The following MEGF10 variants were observed in gnomAD, a reference collection of about 807,000 sequenced individuals.
The protein encoded by MEGF10 is multiple epidermal growth factor-like domains protein 10.
MEGF10 carries 86 observed loss-of-function variants against 147.5 expected under a neutral mutation model. The ratio of observed to expected loss-of-function variants is 0.58; its 90% CI spans 0.49 to 0.70. MEGF10 has a LOEUF of 0.70. Among genes scored for constraint, MEGF10 ranks in the 30% least tolerant of loss-of-function variants. MEGF10 has a pLI of 0.00. For missense variants in MEGF10, 1,329 were observed against 1,487.3 expected (o/e 0.89, Z 1.75); for synonymous variants, 478 against 525.5 (o/e 0.91, Z 1.24).
In MEGF10 at chr5:127,443,303, TAAAG is replaced by T. The variant is rs889424920; in HGVS notation, c.2491+181_2491+184del. Among the ~76,000 whole-genome samples, 119 of 152,212 alleles carry T rather than the reference TAAAG, an allele frequency of 7.8e-4. 2 individuals are homozygous for T. Among genetic ancestry groups the T allele is most frequent in the Non-Finnish European group, 1.8e-4 (12 of 68,036 alleles). ...TGCCTTATTGTTGCTGTCCTGCAGATAAAGAAACAAAAGCTTAGAGAGGCTGAGT... is the reference window on the plus strand; with the variant it reads ...TGCCTTATTGTTGCTGTCCTGCAGATAAACAAAAGCTTAGAGAGGCTGAGT... On this transcript the variant is annotated intron_variant, in intron 19 of 24. Coordinates refer to ENST00000503335, the MANE Select transcript of MEGF10 (RefSeq NM_001256545.2).
intron 1 of MEGF10, among the ~76,000 whole-genome samples, chr5:127,327,942 C>T (rs1044207186): frequency 2.6e-5 from 4 of 152,042 alleles, no homozygotes; most frequent in African/African-American, 9.7e-5. Context: ...GTTTCGAACT[C>T]CTGACCTCAG....
chr5:127,320,200 G>C (rs1196493281), intron 1 of MEGF10, among the ~76,000 whole-genome samples: 1 of 152,164 alleles, frequency 6.6e-6, no homozygotes, highest in African/African-American at 2.4e-5. Flanking sequence ...CCAGTAACCT[G>C]TGAGTGATCA....
rs6868588 is a variant in MEGF10 at position 127,427,093 on chromosome 5, G to A, written c.1693+4321G>A. The stretch of plus-strand genomic sequence containing the variant: ...CTCCTTGGCACATGAAGTGCAAGCC[G>A]GATTTCTGCCCCAACTTAGCCCCTT... On this transcript the variant is annotated intron_variant, in intron 13 of 24. Transcript: ENST00000503335. 5.2e-3 allele frequency among the ~76,000 whole-genome samples: 790 copies of A among 152,318 alleles called. 10 individuals are homozygous for A. The highest frequency in any genetic ancestry group is 0.018 in the African/African-American group (751 of 41,574).
chr5:127,445,886 G>T (rs533436056), intron 20 of MEGF10, among the ~76,000 whole-genome samples, 193 bp downstream of exon 20: 18 of 152,306 alleles, frequency 1.2e-4, no homozygotes, highest in Admixed American at 2.0e-4. Flanking sequence ...GTCATTCTGT[G>T]GTTTGCTATA....
At chr5:127,394,706 T>A (rs1217709352) in intron 5 of MEGF10, among the ~76,000 whole-genome samples, 3 of 151,192 alleles carry the variant, frequency 2.0e-5, no homozygotes, top group Non-Finnish European at 2.9e-5. Context: ...AAGAAACAAC[T>A]CATATGAATA....
chr5:127,406,927 A>C (rs1764354276), intron 8 of MEGF10, among the ~76,000 whole-genome samples: 1 of 152,206 alleles, frequency 6.6e-6, no homozygotes, highest in Non-Finnish European at 1.5e-5. Flanking sequence ...GGGCCCATGC[A>C]CATGATTGGT....
rs553578500 is a variant in MEGF10 at position 127,447,457 on chromosome 5, G to A, written c.2729-100G>A. The A allele has an allele frequency of 1.9e-5, 29 of 1,528,002 alleles. No individual in the cohort carries two copies. In the South Asian group the frequency reaches 1.9e-4, roughly 10 times the overall value. 94.7% of individuals were successfully genotyped at this position (1,528,002 alleles called of 1,614,324 possible). On this transcript the variant is annotated intron_variant, in intron 20 of 24. Transcript: ENST00000503335. ...CTCCCAAAGTGCTGGGATTACAGGCGTGAGCCACCTCGCTGGGCCTGTTTT... is the reference window on the plus strand; with the variant it reads ...CTCCCAAAGTGCTGGGATTACAGGCATGAGCCACCTCGCTGGGCCTGTTTT...
chr5:127,391,074 A>G (rs1763641899), intron 5 of MEGF10, among the ~76,000 whole-genome samples: 1 of 147,578 alleles, frequency 6.8e-6, no homozygotes, highest in African/African-American at 2.5e-5. Flanking sequence ...GTATATATAC[A>G]TACATACACA....
chr5:127,247,484 A>C, the MEGF10 span, among the ~76,000 whole-genome samples: 1 of 149,408 alleles, frequency 6.7e-6, no homozygotes, highest in Non-Finnish European at 1.5e-5. Flanking sequence ...AAGAAGAAGA[A>C]GAAAAATTTA....
intron 1 of MEGF10, among the ~76,000 whole-genome samples, chr5:127,306,153 CTATTTA>C (rs1483660861): frequency 6.6e-6 from 1 of 152,190 alleles, no homozygotes; most frequent in African/African-American, 2.4e-5. Flanking sequence ...CCAGGTTGTG[CTATTTA>C]CAAAAATGAG....
chr5:127,410,407 T>G lies in MEGF10; in HGVS notation c.936T>G (p.Pro312=). ...YTGERCQDEC[P]VGTYGVLCAE... The stretch of plus-strand genomic sequence containing the variant: ...TTGGTAGGTGCCAGGATGAGTGTCC[T>G]GTTGGGACCTATGGCGTTCTCTGTG... The change falls in exon 9 of 25, where the codon CCT becomes CCG. Residue 312 remains proline, a synonymous_variant. Transcript: ENST00000503335. 6.2e-7 allele frequency: 1 copy of G among 1,614,262 alleles called. No homozygotes were observed.
rs1436893935 is a variant in MEGF10, at chr5:127,417,925, C to T, written c.1305+113C>T. 3.7e-6 allele frequency: 4 copies of T among 1,086,852 alleles called. 1 individual carries two copies. In the East Asian group the frequency reaches 1.1e-4, roughly 30 times the overall value. 67.3% of individuals were successfully genotyped at this position (1,086,852 alleles called of 1,614,324 possible). A position where few individuals can be genotyped will look rare whatever the true frequency, so the allele number is the denominator to read the frequency against. On this transcript the variant is annotated intron_variant, in intron 10 of 24. Coordinates refer to ENST00000503335, the MANE Select transcript of MEGF10 (RefSeq NM_001256545.2). ...ACAGTGAATGTGCTAAAGTCATCCA[C>T]ATCATTAAAGAGAGAGAGAAAATGA...
intron 5 of MEGF10, among the ~76,000 whole-genome samples, chr5:127,387,259 G>A (rs1003488887): frequency 6.6e-6 from 1 of 152,020 alleles, no homozygotes; most frequent in African/African-American, 2.4e-5. Flanking sequence ...CTCTAATCGT[G>A]CCCCCTTTCT....
chr5:127,279,399 G>A, the MEGF10 span, among the ~76,000 whole-genome samples: 1 of 152,108 alleles, frequency 6.6e-6, no homozygotes, highest in African/African-American at 2.4e-5. Context: ...GTAGGATGGA[G>A]AACATGTTCA....
the MEGF10 span, among the ~76,000 whole-genome samples, chr5:127,245,627 G>A: frequency 7.2e-5 from 11 of 152,234 alleles, no homozygotes; most frequent in African/African-American, 2.6e-4. Flanking sequence ...TTAAACTAAA[G>A]AGCTTCTTCA....
At chr5:127,298,863 A>G (rs559681936) in intron 1 of MEGF10, among the ~76,000 whole-genome samples, 1 of 152,314 alleles carries the variant, frequency 6.6e-6, no homozygotes, top group African/African-American at 2.4e-5. Flanking sequence ...CCAGCCGTCC[A>G]ACTGAGCTTG....
chr5:127,437,399 C>T (rs1420844622), intron 16 of MEGF10, among the ~76,000 whole-genome samples: 1 of 150,102 alleles, frequency 6.7e-6, no homozygotes, highest in African/African-American at 2.4e-5. Context: ...CTAGTATTTT[C>T]CCCTTGCTCT....
At chr5:127,441,912 A>G (rs1483179894) in intron 18 of MEGF10, among the ~76,000 whole-genome samples, 1 of 152,232 alleles carries the variant, frequency 6.6e-6, no homozygotes. Flanking sequence ...TCTAGCAAAT[A>G]TAACAAAAGT....
chr5:127,368,504 C>T (rs1268179597), intron 4 of MEGF10, among the ~76,000 whole-genome samples: 2 of 152,180 alleles, frequency 1.3e-5, no homozygotes, highest in Non-Finnish European at 2.9e-5. Context: ...CTAGCGAATT[C>T]TCACAATAAA....
Sources: gnomAD v4.1 joint callset for allele counts (sites outside exome capture counted in the v4.1 genomes callset) on GRCh38, gnomAD v4.1.1 for gene constraint, MANE v1.5 for transcripts, NCBI Gene and HGNC (gene_info 2026-07-23, HGNC 2026-07-21) for gene names.